Variants in MBD5 observed in about 807,000 individuals in gnomAD.
The protein encoded by MBD5 is methyl-CpG-binding domain protein 5.
A neutral mutation model predicts 117.3 loss-of-function variants in MBD5; 13 were observed. The observed-to-expected ratio is 0.11, with a 90% CI of 0.07 to 0.18. MBD5 has a LOEUF of 0.18. Among genes scored for constraint, MBD5 ranks in the 10% least tolerant of loss-of-function variants. The pLI, the probability that MBD5 is intolerant of heterozygous loss-of-function variation, is 1.00. For synonymous variants in MBD5, 727 were observed against 766.4 expected (o/e 0.95, Z 0.85); for missense variants, 1,879 against 2,093.8 (o/e 0.90, Z 2.00).
Position 148,458,734 on chromosome 2 carries a change from G to C in MBD5, c.-25G>C, listed in dbSNP as rs1348155281. Reference sequence around the variant, plus strand: ...ATATCATCTTATTGCTGATATCTTTGGAGAGTCCCTAGCAGACACAGAAAA... The same window carrying C: ...ATATCATCTTATTGCTGATATCTTTCGAGAGTCCCTAGCAGACACAGAAAA... On this transcript the variant is annotated 5_prime_UTR_variant, in exon 5 of 14. Transcript: ENST00000642680. 6.3e-7 allele frequency: 1 copy of C among 1,575,474 alleles called. No homozygotes were observed. The highest frequency in any genetic ancestry group is 8.7e-7 in the Non-Finnish European group (1 of 1,145,084).
chr2:148,189,211 G>C (rs1251980881), intron 2 of MBD5, among the ~76,000 whole-genome samples: 1 of 148,076 alleles, frequency 6.8e-6, no homozygotes, highest in East Asian at 2.0e-4. Context: ...GGCTTGCTTA[G>C]GTAAACAAAG....
intron 1 of MBD5, among the ~76,000 whole-genome samples, chr2:148,116,028 GA>G (rs1696629516): frequency 1.3e-5 from 2 of 151,860 alleles, no homozygotes; most frequent in African/African-American, 4.8e-5. Context: ...ATTTTTTTTA[GA>G]GGTGGGGTTT....
At chr2:148,294,196 GTTTTTTTTTTTTTTTT>G (rs60942822) in intron 3 of MBD5, among the ~76,000 whole-genome samples, 35 of 127,158 alleles carry the variant, frequency 2.8e-4, no homozygotes, top group South Asian at 7.4e-4. Context: ...CCAGAATGAA[GTTTTTTTTTTTTTTTT>G]TTTTTTTTTT....
At chr2:148,053,686 A>G (rs1041303075) in intron 1 of MBD5, among the ~76,000 whole-genome samples, 3 of 151,998 alleles carry the variant, frequency 2.0e-5, no homozygotes, top group African/African-American at 4.8e-5. Flanking sequence ...ATTATTTGAG[A>G]TTCATACATA....
At chr2:148,062,373 G>A (rs1695059804) in intron 1 of MBD5, 1 of 151,712 alleles carries the variant, frequency 6.6e-6, no homozygotes, top group Non-Finnish European at 1.5e-5. Flanking sequence ...ATTAATAAAT[G>A]TATAAAGTTT....
At chr2:148,387,299 A>G (rs1291385116) in intron 4 of MBD5, among the ~76,000 whole-genome samples, 1 of 152,174 alleles carries the variant, frequency 6.6e-6, no homozygotes, top group Non-Finnish European at 1.5e-5. Context: ...ATTAATAGAG[A>G]AAAAAACATG....
chr2:148,386,718 CAAAAAAAAAA>C (rs60766324), intron 4 of MBD5, among the ~76,000 whole-genome samples: 59,762 of 104,738 alleles, frequency 0.57, 13,637 homozygotes, highest in East Asian at 0.77. Context: ...GACTCCGTCT[CAAAAAAAAAA>C]AAAAAAAAAA....
intron 1 of MBD5, among the ~76,000 whole-genome samples, chr2:148,023,314 C>G (rs558473198): frequency 1.3e-5 from 2 of 152,140 alleles, no homozygotes; most frequent in African/African-American, 4.8e-5. Flanking sequence ...ATGGTTAAAG[C>G]TAAAACATAT....
intron 3 of MBD5, among the ~76,000 whole-genome samples, chr2:148,323,048 A>G (rs1358126346): frequency 6.9e-6 from 1 of 145,354 alleles, no homozygotes; most frequent in Non-Finnish European, 1.5e-5. Flanking sequence ...TCCTGTGTCC[A>G]TGTGTTCTCA....
intron 4 of MBD5, among the ~76,000 whole-genome samples, chr2:148,390,781 G>T (rs56360902): frequency 2.0e-5 from 3 of 151,946 alleles, no homozygotes; most frequent in African/African-American, 7.3e-5. Context: ...CCCTGGTCTC[G>T]AACTCCTGGG....
chr2:148,342,379 T>C (rs897450384), intron 4 of MBD5, 43 bp downstream of exon 4: 1 of 152,040 alleles, frequency 6.6e-6, no homozygotes, highest in Non-Finnish European at 1.5e-5. Flanking sequence ...CATACAATTA[T>C]AGTTTTTGTC....
At chr2:148,279,962 A>T (rs1423574818) in intron 3 of MBD5, among the ~76,000 whole-genome samples, 1 of 151,838 alleles carries the variant, frequency 6.6e-6, no homozygotes, top group African/African-American at 2.4e-5. Context: ...GGCTCATTTT[A>T]ACCATTTTAT....
chr2:148,367,773 ATG>A (rs1703743836), intron 4 of MBD5, among the ~76,000 whole-genome samples: 1 of 152,222 alleles, frequency 6.6e-6, no homozygotes. Flanking sequence ...TAAAACCACA[ATG>A]AGATAGCATT....
intron 3 of MBD5, among the ~76,000 whole-genome samples, chr2:148,318,298 T>A (rs373405164): frequency 2.1e-5 from 3 of 142,942 alleles, no homozygotes; most frequent in Non-Finnish European, 3.0e-5. Flanking sequence ...CTTCTTAATG[T>A]TTTTTTTTTT....
intron 4 of MBD5, among the ~76,000 whole-genome samples, chr2:148,424,362 G>A (rs777065209): frequency 8.0e-5 from 12 of 150,860 alleles, no homozygotes; most frequent in Non-Finnish European, 1.0e-4. Context: ...CACCCAATAC[G>A]GGAGCACCCA....
chr2:148,304,654 A>C (rs6430309), intron 3 of MBD5, among the ~76,000 whole-genome samples: 3 of 152,104 alleles, frequency 2.0e-5, no homozygotes, highest in African/African-American at 4.8e-5. Context: ...TAACTCCAAT[A>C]AGGGCAGTGG....
intron 1 of MBD5, among the ~76,000 whole-genome samples, chr2:148,023,712 A>G (rs1230053256): frequency 6.6e-6 from 1 of 152,094 alleles, no homozygotes; most frequent in Non-Finnish European, 1.5e-5. Flanking sequence ...GTTGCCCAGT[A>G]GGCAGCTGAG....
In MBD5 at chr2:148,345,316, C is replaced by T. The variant is rs528813657; in HGVS notation, c.-557+2980C>T. ...AGTGTTTTGGGTATATATACACACA[C>T]ATATATATATATATGTATATACACA... On this transcript the variant is annotated intron_variant, in intron 4 of 13. Coordinates refer to ENST00000642680, the MANE Select transcript of MBD5 (RefSeq NM_001378120.1). Among the ~76,000 whole-genome samples the T allele has an allele frequency of 4.8e-3, 700 of 146,398 alleles. 6 individuals are homozygous for T. The highest frequency in any genetic ancestry group is 0.016 in the African/African-American group (644 of 39,392).
At chr2:148,149,931 G>A in intron 1 of MBD5, among the ~76,000 whole-genome samples, 1 of 141,778 alleles carries the variant, frequency 7.1e-6, no homozygotes, top group African/African-American at 2.6e-5. Context: ...CTGTGCAGAA[G>A]CTCTTTAGTT....
Sources: gnomAD v4.1 joint callset for allele counts (sites outside exome capture counted in the v4.1 genomes callset) on GRCh38, gnomAD v4.1.1 for gene constraint, MANE v1.5 for transcripts, NCBI Gene and HGNC (gene_info 2026-07-23, HGNC 2026-07-21) for gene names.